The following KAZN variants were observed in gnomAD, a reference collection of about 807,000 sequenced individuals.
The protein encoded by KAZN is kazrin.
In KAZN, 40 loss-of-function variants were observed where a neutral mutation model predicts 87.4. That is an observed-to-expected ratio of 0.46 (90% CI 0.36 to 0.60). KAZN has a LOEUF of 0.60. KAZN is among the 20% of genes least tolerant of loss of function. KAZN has a pLI of 0.00. For missense variants in KAZN, 898 were observed against 1,073.9 expected (o/e 0.84, Z 2.29); for synonymous variants, 466 against 458.3 (o/e 1.02, Z -0.22).
intron 1 of KAZN, among the ~76,000 whole-genome samples, chr1:14,700,008 T>C (rs1236407428): frequency 6.6e-6 from 1 of 152,024 alleles, no homozygotes; most frequent in African/African-American, 2.4e-5. Context: ...GGAATAAGTA[T>C]GGTGCGTTCA....
intron 2 of KAZN, among the ~76,000 whole-genome samples, chr1:15,011,303 T>C (rs17404774): frequency 0.011 from 1,738 of 152,232 alleles, 30 homozygotes; most frequent in African/African-American, 0.039. Context: ...TATCTCTAAA[T>C]CCCAGGGCTC....
chr1:14,355,826 A>G (rs1175632697), intron 2 of KAZN, among the ~76,000 whole-genome samples: 1 of 152,142 alleles, frequency 6.6e-6, no homozygotes, highest in Non-Finnish European at 1.5e-5. Flanking sequence ...TATCCAGTCT[A>G]TCATTGATGG....
chr1:14,344,903 T>C (rs1657999547), intron 2 of KAZN, among the ~76,000 whole-genome samples: 1 of 151,332 alleles, frequency 6.6e-6, no homozygotes. Context: ...CACACACCAT[T>C]GCCATCCCCT....
Position 14,388,170 on chromosome 1 carries a change from G to A in KAZN, c.249+207578G>A, listed in dbSNP as rs571356331. ...GTGAGGCAATGCCTCGCCCTGCTTCGGCTGGCACACGGTGCGAGCACCCCC... is the reference window on the plus strand; with the variant it reads ...GTGAGGCAATGCCTCGCCCTGCTTCAGCTGGCACACGGTGCGAGCACCCCC... On this transcript the variant is annotated intron_variant, in intron 2 of 16. Coordinates refer to the KAZN transcript ENST00000636203. Among the ~76,000 whole-genome samples, 104 of 152,148 alleles carry A rather than the reference G, an allele frequency of 6.8e-4. 1 individual carries two copies. The highest frequency in any genetic ancestry group is 2.2e-3 in the African/African-American group (91 of 41,494).
intron 1 of KAZN, among the ~76,000 whole-genome samples, chr1:14,617,269 C>T (rs1286161527): frequency 6.6e-6 from 1 of 152,184 alleles, no homozygotes; most frequent in Non-Finnish European, 1.5e-5. Context: ...GTGAGTCACA[C>T]AAATTTTTTG....
At chr1:13,914,169 A>G (rs1015775200) in intron 1 of KAZN, among the ~76,000 whole-genome samples, 2 of 152,210 alleles carry the variant, frequency 1.3e-5, no homozygotes, top group African/African-American at 4.8e-5. Context: ...AAATTTGATT[A>G]CCAATCTGGT....
At chr1:13,900,490 A>G (rs548412343) in intron 1 of KAZN, among the ~76,000 whole-genome samples, 2 of 152,230 alleles carry the variant, frequency 1.3e-5, no homozygotes, top group African/African-American at 4.8e-5. Flanking sequence ...CAAGTTGCTT[A>G]TTTTCTTGAG....
chr1:14,786,239 C>T (rs1252269357), intron 1 of KAZN, among the ~76,000 whole-genome samples: 1 of 152,202 alleles, frequency 6.6e-6, no homozygotes, highest in Non-Finnish European at 1.5e-5. Flanking sequence ...ATCTTGGGCA[C>T]TGCAGTACTG....
At chr1:14,415,221 T>C (rs540803362) in intron 2 of KAZN, among the ~76,000 whole-genome samples, 505 of 152,316 alleles carry the variant, frequency 3.3e-3, no homozygotes, top group Non-Finnish European at 6.1e-3. Flanking sequence ...CTGAAATATT[T>C]CATTATAAAA....
At chr1:14,511,094 A>G (rs1470279605) in intron 2 of KAZN, among the ~76,000 whole-genome samples, 3 of 137,706 alleles carry the variant, frequency 2.2e-5, no homozygotes, top group Non-Finnish European at 4.6e-5. Flanking sequence ...CATGGGCTTT[A>G]GAGTTATCTG....
chr1:15,057,597 C>A (rs1419044826), intron 5 of KAZN, among the ~76,000 whole-genome samples: 1 of 152,130 alleles, frequency 6.6e-6, no homozygotes, highest in Non-Finnish European at 1.5e-5. Flanking sequence ...GGTGGTGTGA[C>A]TTTTTTGGGG....
intron 2 of KAZN, among the ~76,000 whole-genome samples, chr1:14,448,561 A>G (rs767245142): frequency 2.6e-5 from 4 of 152,254 alleles, no homozygotes; most frequent in Non-Finnish European, 5.9e-5. Context: ...TCTGGATGCC[A>G]CTGGCTTAGC....
chr1:13,982,349 C>T (rs1432863803), intron 1 of KAZN, among the ~76,000 whole-genome samples: 2 of 152,298 alleles, frequency 1.3e-5, no homozygotes, highest in Admixed American at 1.3e-4. Flanking sequence ...GAGTTTGTTC[C>T]TTCTGATGTT....
At chr1:14,846,352 G>A (rs1286284708) in intron 1 of KAZN, among the ~76,000 whole-genome samples, 1 of 152,086 alleles carries the variant, frequency 6.6e-6, no homozygotes, top group Non-Finnish European at 1.5e-5. Context: ...AGCGATCTAG[G>A]TATAACCCAA....
chr1:14,977,200 A>C (rs1572965563), intron 2 of KAZN, among the ~76,000 whole-genome samples: 1 of 152,158 alleles, frequency 6.6e-6, no homozygotes, highest in South Asian at 2.1e-4. Context: ...GAGGGTCAGG[A>C]CCTGACGGTG....
chr1:15,044,408 G>A (rs1365687445), intron 4 of KAZN, among the ~76,000 whole-genome samples: 2 of 152,150 alleles, frequency 1.3e-5, no homozygotes, highest in Admixed American at 6.5e-5. Context: ...CAGGGAGTGT[G>A]GAGACGCTGG....
At chr1:14,362,657 T>G (rs534527169) in intron 2 of KAZN, among the ~76,000 whole-genome samples, 1 of 152,302 alleles carries the variant, frequency 6.6e-6, no homozygotes, top group Admixed American at 6.5e-5. Flanking sequence ...TTATAAAGAC[T>G]GTGTAGCTTA....
At chr1:14,140,707 C>T (rs1351419492) in intron 1 of KAZN, among the ~76,000 whole-genome samples, 1 of 152,008 alleles carries the variant, frequency 6.6e-6, no homozygotes, top group Non-Finnish European at 1.5e-5. Context: ...ACCCCCGCAC[C>T]CCTGCCTCCC....
chr1:14,789,993 CT>C (rs1220835202), intron 1 of KAZN, among the ~76,000 whole-genome samples: 3 of 150,192 alleles, frequency 2.0e-5, no homozygotes, highest in South Asian at 2.1e-4. Flanking sequence ...CCTTGAATTT[CT>C]TTTTTTTTCT....
Sources: allele counts gnomAD v4.1 joint callset (sites outside exome capture counted in the v4.1 genomes callset), GRCh38; gene constraint gnomAD v4.1.1; transcripts MANE v1.5; gene names NCBI Gene and HGNC (gene_info 2026-07-23, HGNC 2026-07-21).